Variants in MAPK6 observed in about 807,000 individuals in gnomAD.
MAPK6 encodes the protein ERK-3.
In MAPK6, 19 loss-of-function variants were observed where a neutral mutation model predicts 59.3. That is an observed-to-expected ratio of 0.32 (90% confidence interval 0.22 to 0.47). The LOEUF is 0.47. MAPK6 is among the 20% of genes least tolerant of loss of function. MAPK6 has a pLI of 1.00. For synonymous variants in MAPK6, 316 were observed against 290.3 expected, an observed-to-expected ratio of 1.09 and a Z score of -0.90; for missense variants, 724 against 847.9, an observed-to-expected ratio of 0.85 and a Z score of 1.81.
At chr15:52,014,682 G>A (rs2030182843), upstream of MAPK6, among the ~76,000 whole-genome samples, 1 of 145,302 alleles carries the variant, frequency 6.9e-6, no homozygotes, top group African/African-American at 2.7e-5. Context: ...ACTCCAGCCT[G>A]GGCAACAAAG....
At chr15:51,990,338 T>C (rs2057204217) in intron 2 of MAPK6, among the ~76,000 whole-genome samples, 1 of 152,174 alleles carries the variant, frequency 6.6e-6, no homozygotes, top group Non-Finnish European at 1.5e-5. Context: ...AAGAAGCAGG[T>C]TGATCTCCTG....
intron 2 of MAPK6, among the ~76,000 whole-genome samples, chr15:52,001,379 C>T (rs79391946): frequency 1.5e-3 from 231 of 152,190 alleles, no homozygotes; most frequent in African/African-American, 5.5e-3. Flanking sequence ...ATGTTTATTT[C>T]TAGACTCTCA....
intron 1 of MAPK6, among the ~76,000 whole-genome samples, chr15:52,037,470 A>G (rs2031280964): frequency 6.6e-6 from 1 of 152,192 alleles, no homozygotes. Flanking sequence ...CTTCTTTGGT[A>G]TTACATGGGC....
intron 3 of MAPK6, among the ~76,000 whole-genome samples, chr15:52,050,957 G>T (rs1184980680): frequency 1.3e-5 from 2 of 152,188 alleles, no homozygotes; most frequent in African/African-American, 4.8e-5. Flanking sequence ...ATATGGAAAA[G>T]TAAGGAATAG....
chr15:52,006,338 T>C (rs887754053), intron 3 of MAPK6, among the ~76,000 whole-genome samples: 2 of 152,178 alleles, frequency 1.3e-5, no homozygotes, highest in Non-Finnish European at 2.9e-5. Flanking sequence ...TTAATAGATA[T>C]ACCAGGTCAT....
chr15:52,036,255 C>T (rs369749946), intron 1 of MAPK6, among the ~76,000 whole-genome samples: 2 of 152,196 alleles, frequency 1.3e-5, no homozygotes, highest in East Asian at 1.9e-4. Flanking sequence ...GACTACACAG[C>T]TGATGTAGCC....
At chr15:52,001,620 T>C (rs1013307832) in intron 2 of MAPK6, among the ~76,000 whole-genome samples, 4 of 149,714 alleles carry the variant, frequency 2.7e-5, no homozygotes, top group African/African-American at 9.8e-5. Context: ...GCGATTCTCC[T>C]GCCTCAGCCT....
At chr15:52,059,832 A>G (rs1019363814) in intron 4 of MAPK6, among the ~76,000 whole-genome samples, 1 of 152,192 alleles carries the variant, frequency 6.6e-6, no homozygotes. Context: ...AAGATTTATC[A>G]ATTGTATGCT....
Position 52,046,714 on chromosome 15 carries a change from G to A in MAPK6, c.254G>A (p.Gly85Asp). The A allele has an allele frequency of 6.2e-7, 1 of 1,614,142 alleles. No individual in the cohort carries two copies. The highest frequency in any genetic ancestry group is 8.5e-7 in the Non-Finnish European group (1 of 1,180,034). ...DNIVKVFEILGPSGSQLTDDV... is the reference protein window; with the variant it reads ...DNIVKVFEILDPSGSQLTDDV... ...ATTGTGAAAGTGTTTGAGATTCTTG[G>A]TCCCAGTGGAAGCCAATTAACAGAC... The change falls in exon 2 of 6, where the codon GGT (glycine) becomes GAT (aspartate). Residue 85 changes from glycine to aspartate, a missense_variant. Around this residue, in one of 4 missense-constraint regions of MAPK6, gnomAD observed 87 missense variants for 93.0 expected, o/e 0.93. Coordinates refer to ENST00000261845, the MANE Select transcript of MAPK6 (RefSeq NM_002748.4).
At chr15:52,024,145 A>G (rs1392951175) in intron 1 of MAPK6, among the ~76,000 whole-genome samples, 1 of 152,208 alleles carries the variant, frequency 6.6e-6, no homozygotes, top group African/African-American at 2.4e-5. Context: ...TATGCATTTA[A>G]TTCTGTACAA....
At chr15:51,984,695 A>G (rs1172248463) in intron 2 of MAPK6, among the ~76,000 whole-genome samples, 1 of 151,830 alleles carries the variant, frequency 6.6e-6, no homozygotes, top group Non-Finnish European at 1.5e-5. Context: ...CCGGGGGGGA[A>G]GAAAAGCCCT....
At chr15:51,998,812 G>A (rs1407271192) in intron 2 of MAPK6, among the ~76,000 whole-genome samples, 1 of 142,746 alleles carries the variant, frequency 7.0e-6, no homozygotes, top group Non-Finnish European at 1.5e-5. Flanking sequence ...TGCCTCAGCC[G>A]CCGGAGTAGC....
intron 3 of MAPK6, among the ~76,000 whole-genome samples, chr15:52,053,623 ATTGGTTG>A (rs2031861462): frequency 1.5e-5 from 2 of 133,470 alleles, no homozygotes; most frequent in African/African-American, 6.5e-5. Context: ...TGATTGATTG[ATTGGTTG>A]ATTGATTGAT....
At position 52,065,372 on chromosome 15, in the gene MAPK6, A is replaced by AAGAC. The variant is rs1245438102; in HGVS notation, c.*374_*377dup. The AAGAC allele has an allele frequency of 6.2e-6, 1 of 160,216 alleles. No individual in the cohort carries two copies. The highest frequency in any genetic ancestry group is 1.8e-4 in the East Asian group (1 of 5,508). The allele number at this position is 160,216 out of a possible 1,614,324, so 9.9% of individuals were successfully genotyped here. A position where few individuals can be genotyped will look rare whatever the true frequency, so the allele number is the denominator to read the frequency against. ...GCATGAAAATAGCTATTTTTTTCCT[A>AAGAC]AGACATTTTTCATTCATGAATATTT... On this transcript the variant is annotated 3_prime_UTR_variant, in exon 6 of 6. Transcript: ENST00000261845.
chr15:52,030,837 G>A (rs1038190687), intron 1 of MAPK6, among the ~76,000 whole-genome samples: 3 of 150,440 alleles, frequency 2.0e-5, no homozygotes, highest in African/African-American at 7.4e-5. Context: ...TGTTACCCAG[G>A]CTGGAATGCA....
chr15:52,016,384 C>A (rs142844310), upstream of MAPK6, among the ~76,000 whole-genome samples: 5,717 of 150,584 alleles, frequency 0.038, 253 homozygotes, highest in African/African-American at 0.092. Flanking sequence ...AGCAAAACTC[C>A]ATCTCAAAAA....
At position 52,054,844 on chromosome 15, in the gene MAPK6, A is replaced by G. The variant is rs568191253; in HGVS notation, c.701-3789A>G. Among the ~76,000 whole-genome samples, 10 of 151,998 alleles carry G rather than the reference A, an allele frequency of 6.6e-5. No homozygotes were observed. The South Asian group carries it at 1.5e-3, about 22-fold the overall frequency. ...TTGTTGCCTAGCCAACAATCGTACA[A>G]TGGTGCGATCTTGGCTCACTGCAAC... On this transcript the variant is annotated intron_variant, in intron 3 of 5. Coordinates refer to ENST00000261845, the MANE Select transcript of MAPK6 (RefSeq NM_002748.4).
chr15:51,996,324 G>A (rs2057224097), intron 2 of MAPK6, among the ~76,000 whole-genome samples: 1 of 152,170 alleles, frequency 6.6e-6, no homozygotes, highest in South Asian at 2.1e-4. Context: ...ATGCCCAGAT[G>A]GCAGCTTTTG....
In MAPK6 at chr15:52,065,970, GTT is replaced by G. The variant is rs2032408387; in HGVS notation, c.*972_*973del. 1 of 152,524 alleles carries G rather than the reference GTT, an allele frequency of 6.6e-6. No homozygotes were observed. The highest frequency in any genetic ancestry group is 1.5e-5 in the Non-Finnish European group (1 of 68,008). The allele number at this position is 152,524 out of a possible 1,614,324, so 9.4% of individuals were successfully genotyped here. A position where few individuals can be genotyped will look rare whatever the true frequency, so the allele number is the denominator to read the frequency against. ...AAATGCTCCTAGAAGTCTTAATTGT[GTT>G]TATTTTTTAAAAAAACAAATGTTAG... is the stretch of plus-strand genomic sequence containing the variant. On this transcript the variant is annotated 3_prime_UTR_variant, in exon 6 of 6. Transcript: ENST00000261845.
Sources: allele counts gnomAD v4.1 joint callset (sites outside exome capture counted in the v4.1 genomes callset), GRCh38; gene constraint gnomAD v4.1.1; regional missense constraint gnomAD v4.1.1; transcripts MANE v1.5; gene names NCBI Gene and HGNC (gene_info 2026-07-23, HGNC 2026-07-21).